The following REEP5 variants were observed in gnomAD, a reference collection of about 807,000 sequenced individuals.
REEP5 encodes receptor expression-enhancing protein 5.
A neutral mutation model predicts 22.4 loss-of-function variants in REEP5; 24 were observed. The ratio of observed to expected loss-of-function variants is 1.07; its 90% CI spans 0.78 to 1.51. The LOEUF (loss-of-function observed/expected upper bound fraction) is 1.51. Ranked by LOEUF, REEP5 falls within the 40% of genes most tolerant of loss-of-function variation. REEP5 has a pLI of 0.00. For missense variants in REEP5, 252 were observed against 233.0 expected, an observed-to-expected ratio of 1.08 and a Z score of -0.53; for synonymous variants, 103 against 88.6, an observed-to-expected ratio of 1.16 and a Z score of -0.92.
chr5:112,892,610 A>C (rs574112568), intron 3 of REEP5: 66 of 1,614,204 alleles, frequency 4.1e-5, no homozygotes, highest in East Asian at 1.1e-4. Flanking sequence ...GAAATACAAC[A>C]ATGTCCAAGA....
At chr5:112,891,512 A>G in intron 3 of REEP5, 1 of 1,353,654 alleles carries the variant, frequency 7.4e-7, no homozygotes, top group Non-Finnish European at 1.0e-6. Context: ...ATAAGTATGC[A>G]AACAAAACAA....
chr5:112,906,302 A>G (rs1211011830), intron 2 of REEP5, among the ~76,000 whole-genome samples: 1 of 152,254 alleles, frequency 6.6e-6, no homozygotes, highest in South Asian at 2.1e-4. Flanking sequence ...TTGGTCTTAC[A>G]CTTAAAATTA....
At chr5:112,898,282 A>G (rs1768753313) in intron 3 of REEP5, 1 of 152,182 alleles carries the variant, frequency 6.6e-6, no homozygotes, top group African/African-American at 2.4e-5. Flanking sequence ...GGAAGAAAGT[A>G]TTTTGATTGA....
At chr5:112,897,176 A>C (rs1768709431) in intron 3 of REEP5, 1 of 152,090 alleles carries the variant, frequency 6.6e-6, no homozygotes, top group Non-Finnish European at 1.5e-5. Context: ...ATGTGATCTA[A>C]GCCACACATA....
chr5:112,920,616 A>C (rs1215189180), intron 2 of REEP5, among the ~76,000 whole-genome samples: 3 of 152,218 alleles, frequency 2.0e-5, no homozygotes, highest in African/African-American at 7.2e-5. Flanking sequence ...TATATCATGG[A>C]GCATTTTTAA....
chr5:112,888,841 G>A (rs1313931578), intron 3 of REEP5, among the ~76,000 whole-genome samples: 2 of 150,680 alleles, frequency 1.3e-5, no homozygotes, highest in South Asian at 2.1e-4. Flanking sequence ...GTTTAGCTGT[G>A]TCCCCACCCA....
intron 4 of REEP5, among the ~76,000 whole-genome samples, chr5:112,880,506 T>TTG (rs1768038638): frequency 1.3e-5 from 2 of 152,188 alleles, no homozygotes; most frequent in South Asian, 4.1e-4. Context: ...TGCTCTCCCT[T>TTG]TGCTCAGTTA....
At chr5:112,898,556 G>A (rs1768764800) in intron 3 of REEP5, among the ~76,000 whole-genome samples, 2 of 152,210 alleles carry the variant, frequency 1.3e-5, no homozygotes, top group Non-Finnish European at 2.9e-5. Flanking sequence ...GTGATTAGGA[G>A]TAGGCTAGAA....
chr5:112,895,571 T>C (rs1768657841), intron 3 of REEP5: 1 of 152,218 alleles, frequency 6.6e-6, no homozygotes, highest in African/African-American at 2.4e-5. Flanking sequence ...ATTGACTACT[T>C]TCTGGTACCC....
rs183928171 is a variant in REEP5 at position 112,902,494 on chromosome 5, G to A, written c.237C>T (p.Asn79=). 7.8e-5 allele frequency: 125 copies of A among 1,608,226 alleles called. No individual in the cohort carries two copies. The East Asian group carries it at 2.3e-3, about 29-fold the overall frequency. ...YISIKAIESP[N]KEDDTQWLTY... Reference sequence around the variant, plus strand: ...TCAGCCACTGGGTATCATCTTCTTTGTTGGGACTCTCTATAGCTTTAATTC... The same window carrying A: ...TCAGCCACTGGGTATCATCTTCTTTATTGGGACTCTCTATAGCTTTAATTC... The change falls in exon 3 of 5, where the codon AAC becomes AAT. Residue 79 remains asparagine, a synonymous_variant. Coordinates refer to ENST00000379638, the MANE Select transcript of REEP5 (RefSeq NM_005669.5).
chr5:112,908,111 T>G (rs57793340), intron 2 of REEP5, among the ~76,000 whole-genome samples: 2,602 of 148,952 alleles, frequency 0.017, 106 homozygotes, highest in African/African-American at 0.061. Flanking sequence ...GTTTTTTTTT[T>G]TTTTTTTTGA....
intron 3 of REEP5, among the ~76,000 whole-genome samples, chr5:112,888,686 C>A (rs1768339166): frequency 6.6e-6 from 1 of 150,886 alleles, no homozygotes; most frequent in Non-Finnish European, 1.5e-5. Context: ...GAAATGTAAC[C>A]TTTGTGAATT....
chr5:112,886,294 A>G (rs994220202), intron 4 of REEP5, among the ~76,000 whole-genome samples: 2 of 152,174 alleles, frequency 1.3e-5, no homozygotes, highest in Non-Finnish European at 2.9e-5. Flanking sequence ...AAGGTATTCG[A>G]TATGTTACAA....
intron 3 of REEP5, chr5:112,896,477 C>T (rs1388039594): frequency 6.6e-6 from 1 of 152,028 alleles, no homozygotes; most frequent in Non-Finnish European, 1.5e-5. Flanking sequence ...GAGCAGAGAT[C>T]ACGCCACTTC....
At chr5:112,905,022 TAA>T (rs1368603921) in intron 2 of REEP5, among the ~76,000 whole-genome samples, 1 of 152,192 alleles carries the variant, frequency 6.6e-6, no homozygotes, top group Non-Finnish European at 1.5e-5. Context: ...TCTATTAAGC[TAA>T]AGAGATTTTT....
At chr5:112,897,350 A>C (rs1218779911) in intron 3 of REEP5, 1 of 129,442 alleles carries the variant, frequency 7.7e-6, no homozygotes, top group South Asian at 2.6e-4. Flanking sequence ...AACACATCCC[A>C]TCACACACAC....
intron 3 of REEP5, chr5:112,893,013 C>A: frequency 3.9e-6 from 6 of 1,557,776 alleles, no homozygotes; most frequent in Non-Finnish European, 5.3e-6. Flanking sequence ...CCTCTAGGTG[C>A]CGAAGTCGTG....
At chr5:112,879,685 C>G (rs926848203) in intron 4 of REEP5, among the ~76,000 whole-genome samples, 1 of 151,998 alleles carries the variant, frequency 6.6e-6, no homozygotes, top group Admixed American at 6.6e-5. Flanking sequence ...ACTGTGTTAG[C>G]CAGGATGGTC....
chr5:112,893,276 G>A (rs1230415818), intron 3 of REEP5: 2 of 264,516 alleles, frequency 7.6e-6, no homozygotes, highest in Non-Finnish European at 1.5e-5. Flanking sequence ...CAGGTGTGGT[G>A]GCAGGCGTCT....
Sources: allele counts gnomAD v4.1 joint callset (sites outside exome capture counted in the v4.1 genomes callset), GRCh38; gene constraint gnomAD v4.1.1; transcripts MANE v1.5; gene names NCBI Gene and HGNC (gene_info 2026-07-23, HGNC 2026-07-21).